CRYL1: variants seen among roughly 807,000 people sequenced by gnomAD.
CRYL1 encodes lambda-crystallin homolog.
A neutral mutation model predicts 36.6 loss-of-function variants in CRYL1; 29 were observed. That is an observed-to-expected ratio of 0.79 (90% CI 0.59 to 1.08). CRYL1 has a LOEUF of 1.08. Ranked by LOEUF, CRYL1 falls within the 50% of genes least tolerant of loss-of-function variation. The pLI, the probability that CRYL1 is intolerant of heterozygous loss-of-function variation, is 0.00. For synonymous variants in CRYL1, 152 were observed against 151.5 expected, an observed-to-expected ratio of 1.00 and a Z score of -0.02; for missense variants, 411 against 407.9, an observed-to-expected ratio of 1.01 and a Z score of -0.06.
chr13:20,404,503 G>A, intron 7 of CRYL1, 132 bp downstream of exon 7: 1 of 680,126 alleles, frequency 1.5e-6, no homozygotes, highest in Non-Finnish European at 2.6e-6. Flanking sequence ...AGTTATGAAT[G>A]AGGAACCACC....
At chr13:20,450,298 G>A (rs183150662) in intron 3 of CRYL1, among the ~76,000 whole-genome samples, 92 of 152,164 alleles carry the variant, frequency 6.0e-4, no homozygotes, top group African/African-American at 2.0e-3. Context: ...TCCCTACAAC[G>A]ATTGGATCAT....
At chr13:20,489,070 C>T (rs2033455198) in intron 3 of CRYL1, among the ~76,000 whole-genome samples, 1 of 152,136 alleles carries the variant, frequency 6.6e-6, no homozygotes, top group Non-Finnish European at 1.5e-5. Flanking sequence ...GTCCAGAAAA[C>T]CTATTTTTGC....
At chr13:20,432,955 C>T (rs979657379) in intron 4 of CRYL1, among the ~76,000 whole-genome samples, 3 of 152,164 alleles carry the variant, frequency 2.0e-5, no homozygotes, top group African/African-American at 7.2e-5. Context: ...GAAGTGGAGG[C>T]TGCAGTGAGC....
intron 2 of CRYL1, among the ~76,000 whole-genome samples, chr13:20,501,023 C>A (rs1332102476): frequency 6.6e-6 from 1 of 152,120 alleles, no homozygotes; most frequent in East Asian, 1.9e-4. Context: ...CCCCCTAGTT[C>A]CTGTTTTCCT....
chr13:20,467,488 T>C (rs1420547768), intron 3 of CRYL1, among the ~76,000 whole-genome samples: 1 of 152,172 alleles, frequency 6.6e-6, no homozygotes, highest in Non-Finnish European at 1.5e-5. Flanking sequence ...AGTTTTTGTA[T>C]GTCTAAAATA....
At chr13:20,460,912 A>G (rs1213232789) in intron 3 of CRYL1, among the ~76,000 whole-genome samples, 1 of 152,212 alleles carries the variant, frequency 6.6e-6, no homozygotes, top group Admixed American at 6.5e-5. Context: ...GTAAGTGCAC[A>G]GCTGGGTGGG....
chr13:20,404,590 T>A (rs902394914), intron 7 of CRYL1, 45 bp downstream of exon 7: 1 of 1,304,938 alleles, frequency 7.7e-7, no homozygotes, highest in African/African-American at 1.5e-5. Context: ...GTGCTCCAGG[T>A]AGCCAACATG....
Position 20,508,710 on chromosome 13 carries a change from G to A in CRYL1, c.149+3733C>T, listed in dbSNP as rs377195222. ...AAATACAAAAAAAAATTAGCCGGGCGTGGTGGCGGGCGCCTGTAGTCCCAG... is the reference window on the plus strand; with the variant it reads ...AAATACAAAAAAAAATTAGCCGGGCATGGTGGCGGGCGCCTGTAGTCCCAG... On this transcript the variant is annotated intron_variant, in intron 2 of 7. Coordinates refer to ENST00000298248, the MANE Select transcript of CRYL1 (RefSeq NM_015974.3). 7.2e-5 allele frequency among the ~76,000 whole-genome samples: 11 copies of A among 151,814 alleles called. No individual in the cohort carries two copies. The East Asian group carries it at 1.2e-3, about 16-fold the overall frequency.
intron 7 of CRYL1, among the ~76,000 whole-genome samples, 164 bp from the exon 8 acceptor site, chr13:20,404,406 C>G (rs9509202): frequency 3.9e-5 from 6 of 152,196 alleles, no homozygotes; most frequent in African/African-American, 1.4e-4. Flanking sequence ...AGACCTCAGT[C>G]CCTCAGAGAC....
chr13:20,512,599 G>T, intron 1 of CRYL1, 49 bp from the exon 2 acceptor site: 1 of 1,378,204 alleles, frequency 7.3e-7, no homozygotes, highest in East Asian at 2.4e-5. Flanking sequence ...TAATCGAATG[G>T]CTTTTCATTC....
intron 5 of CRYL1, chr13:20,430,613 G>C (rs923699185): frequency 1.0e-6 from 1 of 985,346 alleles, no homozygotes; most frequent in East Asian, 1.1e-4. Flanking sequence ...TCTTGCAATG[G>C]AGAGTTCTTT....
In CRYL1 at chr13:20,404,225, G is replaced by C. The variant is rs2031303594; in HGVS notation, c.864C>G (p.Val288=). Residue 288 remains valine, a synonymous_variant, in exon 8 of 8, where the codon GTC becomes GTG. Transcript: ENST00000298248. ...EKVNQDMCMK[V]PDDPEHLAAR... is the part of the protein sequence containing the mutation. The stretch of plus-strand genomic sequence containing the variant: ...CAGCTAAGTGCTCCGGGTCATCAGG[G>C]ACCTTCATGCACATGTCCTGCAAGA... 1 of 1,612,218 alleles carries C rather than the reference G, an allele frequency of 6.2e-7. No homozygotes were observed. Among genetic ancestry groups the C allele is most frequent in the South Asian group, 1.1e-5 (1 of 91,038 alleles).
At chr13:20,508,222 T>A (rs1267001789) in intron 2 of CRYL1, among the ~76,000 whole-genome samples, 1 of 151,948 alleles carries the variant, frequency 6.6e-6, no homozygotes, top group East Asian at 1.9e-4. Flanking sequence ...GAGACAGACA[T>A]GGTCTCAAAA....
intron 4 of CRYL1, among the ~76,000 whole-genome samples, chr13:20,434,203 T>C (rs1204309477): frequency 6.6e-6 from 1 of 152,160 alleles, no homozygotes; most frequent in African/African-American, 2.4e-5. Flanking sequence ...TCACTTTCCA[T>C]TGAGAGGTGA....
chr13:20,480,738 C>T (rs2033260537), intron 3 of CRYL1, among the ~76,000 whole-genome samples: 1 of 152,202 alleles, frequency 6.6e-6, no homozygotes, highest in Non-Finnish European at 1.5e-5. Flanking sequence ...TGCGGGGACC[C>T]ACAATGCTGG....
chr13:20,521,199 T>C (rs2034091926), intron 1 of CRYL1, among the ~76,000 whole-genome samples: 1 of 145,582 alleles, frequency 6.9e-6, no homozygotes, highest in Non-Finnish European at 1.5e-5. Context: ...AGGAAATAAA[T>C]TGGACCCAAA....
intron 6 of CRYL1, chr13:20,406,058 C>T (rs572356262): frequency 2.6e-5 from 4 of 152,392 alleles, no homozygotes; most frequent in African/African-American, 9.6e-5. Flanking sequence ...ATAGGCTGGG[C>T]TACTGCTGCG....
chr13:20,469,444 T>C (rs3969178), intron 3 of CRYL1, among the ~76,000 whole-genome samples: 124,522 of 152,200 alleles, frequency 0.82, 51,072 homozygotes, highest in Admixed American at 0.87. Flanking sequence ...AGCATATACT[T>C]TATCATATTT....
intron 5 of CRYL1, among the ~76,000 whole-genome samples, chr13:20,417,981 T>G (rs1381035347): frequency 6.6e-6 from 1 of 152,174 alleles, no homozygotes; most frequent in Non-Finnish European, 1.5e-5. Flanking sequence ...CATGTGACTG[T>G]GGGCCTGGCA....
Sources: allele counts gnomAD v4.1 joint callset (sites outside exome capture counted in the v4.1 genomes callset), GRCh38; gene constraint gnomAD v4.1.1; transcripts MANE v1.5; gene names NCBI Gene and HGNC (gene_info 2026-07-23, HGNC 2026-07-21).